Variants in PMP22 observed in about 807,000 individuals in gnomAD.
PMP22 encodes the protein peripheral myelin protein 22.
In PMP22, 2 loss-of-function variants were observed where a neutral mutation model predicts 18.9. The ratio of observed to expected loss-of-function variants is 0.11; its 90% CI spans 0.04 to 0.33. The LOEUF is 0.33. PMP22 is among the 10% of genes least tolerant of loss of function. The pLI is 1.00. For missense variants in PMP22, 169 were observed against 202.2 expected (o/e 0.84, Z 1.00); for synonymous variants, 95 against 89.2 (o/e 1.07, Z -0.37).
At chr17:15,238,873 T>C (rs1907037095) in intron 4 of PMP22, among the ~76,000 whole-genome samples, 1 of 152,186 alleles carries the variant, frequency 6.6e-6, no homozygotes, top group African/African-American at 2.4e-5. Context: ...CATAGCCCCA[T>C]GTTTGGAAAT....
chr17:15,233,767 G>A (rs1337372907), intron 4 of PMP22, among the ~76,000 whole-genome samples: 1 of 152,162 alleles, frequency 6.6e-6, no homozygotes, highest in Admixed American at 6.5e-5. Flanking sequence ...AATATAGTTC[G>A]ATGGAATTTC....
chr17:15,240,036 TA>T (rs1409933489), intron 3 of PMP22, among the ~76,000 whole-genome samples: 15 of 152,154 alleles, frequency 9.9e-5, no homozygotes, highest in Admixed American at 6.5e-4. Flanking sequence ...GGAAGGGCTG[TA>T]AAAAAATATC....
intron 4 of PMP22, chr17:15,232,560 GA>G (rs1202037634): frequency 1.3e-5 from 2 of 152,182 alleles, no homozygotes; most frequent in Non-Finnish European, 2.9e-5. Context: ...TTGTCTTTAA[GA>G]AATACTGAAG....
At chr17:15,264,758 A>G (rs1433093217) in intron 1 of PMP22, among the ~76,000 whole-genome samples, 1 of 152,112 alleles carries the variant, frequency 6.6e-6, no homozygotes, top group African/African-American at 2.4e-5. Flanking sequence ...GTGCCTGCTG[A>G]CCAGGCTTGC....
intron 3 of PMP22, among the ~76,000 whole-genome samples, chr17:15,253,885 C>T (rs1908584778): frequency 6.6e-6 from 1 of 152,216 alleles, no homozygotes; most frequent in Non-Finnish European, 1.5e-5. Context: ...CCCAAATTCT[C>T]CATGTTTACT....
Position 15,230,763 on chromosome 17 carries a change from T to G in PMP22, c.*154A>C. The G allele has an allele frequency of 1.4e-6, 1 of 723,620 alleles. No individual in the cohort carries two copies. Among genetic ancestry groups the G allele is most frequent in the Non-Finnish European group, 2.4e-6 (1 of 416,904 alleles). 44.8% of individuals were successfully genotyped at this position (723,620 alleles called of 1,614,324 possible). On this transcript the variant is annotated 3_prime_UTR_variant, in exon 5 of 5. Transcript: ENST00000312280. ...TAAACCGGAGATATTATATACATCTTCAATCAACAGCAACCCCCACCTCCA... is the reference window on the plus strand; with the variant it reads ...TAAACCGGAGATATTATATACATCTGCAATCAACAGCAACCCCCACCTCCA...
At chr17:15,260,409 T>C (rs1909212654) in intron 2 of PMP22, 1 of 579,046 alleles carries the variant, frequency 1.7e-6, no homozygotes, top group Non-Finnish European at 3.1e-6. Flanking sequence ...CTGAAGTTAC[T>C]TGGCTTAAAT....
intron 3 of PMP22, among the ~76,000 whole-genome samples, chr17:15,255,917 C>T (rs1358086664): frequency 1.3e-5 from 2 of 152,166 alleles, no homozygotes; most frequent in East Asian, 1.9e-4. Flanking sequence ...ATATCTATCT[C>T]CTGACTCTTC....
At chr17:15,248,154 C>A (rs1907996387) in intron 3 of PMP22, among the ~76,000 whole-genome samples, 1 of 152,244 alleles carries the variant, frequency 6.6e-6, no homozygotes, top group African/African-American at 2.4e-5. Flanking sequence ...AACTTCTCCC[C>A]CAGCTGGTGG....
rs977850620 is a variant in PMP22, at chr17:15,245,803, G to A, written c.179-6192C>T. On this transcript the variant is annotated intron_variant, in intron 3 of 4. Transcript: ENST00000312280. ...GGGCAGATCACGAGGTCAGGAGATCGAGACCATGCTGGCTAACACAGTGAA... is the reference window on the plus strand; with the variant it reads ...GGGCAGATCACGAGGTCAGGAGATCAAGACCATGCTGGCTAACACAGTGAA... Among the ~76,000 whole-genome samples the A allele has an allele frequency of 5.8e-4, 88 of 151,740 alleles. 2 individuals carry two copies. The highest frequency in any genetic ancestry group is 5.7e-3 in the Admixed American group (87 of 15,218).
chr17:15,252,396 TTGCTGCTGCTGC>T (rs111928632), intron 3 of PMP22, among the ~76,000 whole-genome samples: 87,961 of 150,954 alleles, frequency 0.58, 26,235 homozygotes, highest in African/African-American at 0.72. Flanking sequence ...GAGTTTGCTG[TTGCTGCTGCTGC>T]TGCTGCTGCT....
chr17:15,245,215 ATT>A (rs1907701073), intron 3 of PMP22, among the ~76,000 whole-genome samples: 1 of 152,220 alleles, frequency 6.6e-6, no homozygotes, highest in South Asian at 2.1e-4. Context: ...CCCTGAGGAC[ATT>A]TCTAAGCTCA....
At chr17:15,242,792 T>A (rs145401162) in intron 3 of PMP22, among the ~76,000 whole-genome samples, 20 of 152,276 alleles carry the variant, frequency 1.3e-4, no homozygotes, top group Non-Finnish European at 2.6e-4. Context: ...TCAAACTGAC[T>A]ATAAGGGCAA....
At chr17:15,238,461 C>T (rs1044349907) in intron 4 of PMP22, among the ~76,000 whole-genome samples, 2 of 152,162 alleles carry the variant, frequency 1.3e-5, no homozygotes, top group African/African-American at 4.8e-5. Flanking sequence ...CCTTTGCCCT[C>T]TCAGAGGGTC....
chr17:15,248,907 C>T (rs1023111372), intron 3 of PMP22, among the ~76,000 whole-genome samples: 38 of 152,196 alleles, frequency 2.5e-4, no homozygotes, highest in African/African-American at 7.9e-4. Flanking sequence ...TAGAAAATGA[C>T]GGGAAAGGCA....
intron 2 of PMP22, chr17:15,260,269 A>G (rs989186548): frequency 3.4e-6 from 1 of 292,262 alleles, no homozygotes; most frequent in Non-Finnish European, 6.7e-6. Flanking sequence ...TTTATAAATT[A>G]ATTCACCCAT....
chr17:15,244,319 G>C (rs925922702), intron 3 of PMP22, among the ~76,000 whole-genome samples: 1 of 151,940 alleles, frequency 6.6e-6, no homozygotes, highest in Non-Finnish European at 1.5e-5. Flanking sequence ...CCATTCACAG[G>C]AATAATAATA....
rs542474708 is a variant in PMP22, at chr17:15,238,059, G to A, written c.319+1412C>T. ...TGTTTTTATTCCAACTGAAAATTGA[G>A]TAAGGGTAACTCTTCACTTTAACGT... On this transcript the variant is annotated intron_variant, in intron 4 of 4. Transcript: ENST00000312280. Among the ~76,000 whole-genome samples the A allele has an allele frequency of 7.2e-5, 11 of 151,908 alleles. No individual in the cohort carries two copies. The East Asian group carries it at 2.1e-3, about 29-fold the overall frequency.
At chr17:15,256,245 G>A (rs941366491) in intron 3 of PMP22, among the ~76,000 whole-genome samples, 7 of 152,150 alleles carry the variant, frequency 4.6e-5, no homozygotes, top group East Asian at 1.9e-4. Flanking sequence ...CTCATGGCAC[G>A]ATGCCAGGAG....
Sources: allele counts gnomAD v4.1 joint callset (sites outside exome capture counted in the v4.1 genomes callset), GRCh38; gene constraint gnomAD v4.1.1; transcripts MANE v1.5; gene names NCBI Gene and HGNC (gene_info 2026-07-23, HGNC 2026-07-21).